PRXL2A: variants seen among roughly 807,000 people sequenced by gnomAD.
The protein encoded by PRXL2A is peroxiredoxin-like 2A.
In PRXL2A, 26 loss-of-function variants were observed where a neutral mutation model predicts 25.6. The ratio of observed to expected loss-of-function variants is 1.02; its 90% CI spans 0.74 to 1.41. The LOEUF (loss-of-function observed/expected upper bound fraction) is 1.41, where lower values mean the gene tolerates loss of function less well. Ranked by LOEUF, PRXL2A falls within the 40% of genes most tolerant of loss-of-function variation. The pLI is 0.00. For missense variants in PRXL2A, 246 were observed against 273.9 expected (o/e 0.90, Z 0.72); for synonymous variants, 98 against 102.9 (o/e 0.95, Z 0.29).
chr10:80,420,807 C>T (rs1464771963), intron 2 of PRXL2A, among the ~76,000 whole-genome samples, 162 bp downstream of exon 2: 1 of 152,044 alleles, frequency 6.6e-6, no homozygotes, highest in Non-Finnish European at 1.5e-5. Context: ...TTCTGTTACC[C>T]TAACACAGTA....
At chr10:80,420,255 G>A in intron 1 of PRXL2A, 1 of 1,301,162 alleles carries the variant, frequency 7.7e-7, no homozygotes, top group Non-Finnish European at 9.8e-7. Context: ...GAGCTCCACG[G>A]TGCAGGAACC....
chr10:80,415,593 A>T (rs1294094786), intron 1 of PRXL2A, among the ~76,000 whole-genome samples: 2 of 152,024 alleles, frequency 1.3e-5, no homozygotes, highest in African/African-American at 4.8e-5. Flanking sequence ...ATGCCCATAC[A>T]TTGCCCAAGC....
intron 1 of PRXL2A, chr10:80,413,801 G>C: frequency 9.4e-7 from 1 of 1,064,252 alleles, no homozygotes; most frequent in Non-Finnish European, 1.1e-6. Context: ...TCCCCTTGCC[G>C]CCTGCCCAGG....
In PRXL2A at chr10:80,434,573, A is replaced by G. The variant is rs1391605413; in HGVS notation, c.*2474A>G. On this transcript the variant is annotated 3_prime_UTR_variant, in exon 6 of 6. Transcript: ENST00000606162. ...CAGAAGGAGAGAGTCCTCAGTATAG[A>G]ACTGAGCTTAGCTCCAATCTGTGCA... 1.3e-5 allele frequency: 2 copies of G among 152,220 alleles called. No homozygotes were observed. Among genetic ancestry groups the G allele is most frequent in the Non-Finnish European group, 2.9e-5 (2 of 68,048 alleles). The allele number at this position is 152,220 out of a possible 1,614,324, so 9.4% of individuals were successfully genotyped here.
intron 1 of PRXL2A, among the ~76,000 whole-genome samples, chr10:80,413,466 C>A (rs1844541867): frequency 6.6e-6 from 1 of 152,174 alleles, no homozygotes; most frequent in African/African-American, 2.4e-5. Context: ...AGGGAGCAGG[C>A]TGCACGAGGA....
chr10:80,409,915 T>G (rs566939040), intron 1 of PRXL2A, among the ~76,000 whole-genome samples: 53 of 152,360 alleles, frequency 3.5e-4, no homozygotes, highest in Non-Finnish European at 6.3e-4. Context: ...TTATACAGCT[T>G]GCAAGAATTA....
At chr10:80,420,704 T>C (rs776897253) in intron 2 of PRXL2A, 59 bp downstream of exon 2, 5 of 1,270,746 alleles carry the variant, frequency 3.9e-6, no homozygotes, top group Middle Eastern at 2.8e-4. Context: ...ACAGGCTTAC[T>C]GCTTTCTTTC....
At chr10:80,421,270 A>G (rs978621071) in intron 2 of PRXL2A, among the ~76,000 whole-genome samples, 3 of 152,112 alleles carry the variant, frequency 2.0e-5, no homozygotes, top group East Asian at 1.9e-4. Flanking sequence ...CTTCTGGGGG[A>G]CTGCTAGAAT....
intron 1 of PRXL2A, among the ~76,000 whole-genome samples, chr10:80,411,515 G>A (rs1844476020): frequency 6.6e-6 from 1 of 152,266 alleles, no homozygotes; most frequent in Admixed American, 6.5e-5. Context: ...CGTGTCTGAT[G>A]CAGGATAAAC....
rs1270524973 is a variant in PRXL2A, at chr10:80,432,379, A to T, written c.*280A>T. Reference sequence around the variant, plus strand: ...TGCCAGGCTGGGTGCAGTGGCTCACACCTGTAATCCCAGCACTTTGGGAGG... The same window carrying T: ...TGCCAGGCTGGGTGCAGTGGCTCACTCCTGTAATCCCAGCACTTTGGGAGG... On this transcript the variant is annotated 3_prime_UTR_variant, in exon 6 of 6. Transcript: ENST00000606162. 3.3e-6 allele frequency: 1 copy of T among 303,088 alleles called. No homozygotes were observed. The highest frequency in any genetic ancestry group is 6.0e-6 in the Non-Finnish European group (1 of 167,130). 18.8% of individuals were successfully genotyped at this position (303,088 alleles called of 1,614,324 possible). A position where few individuals can be genotyped will look rare whatever the true frequency, so the allele number is the denominator to read the frequency against.
intron 2 of PRXL2A, among the ~76,000 whole-genome samples, chr10:80,420,959 G>C (rs548936922): frequency 6.6e-6 from 1 of 152,236 alleles, no homozygotes; most frequent in Non-Finnish European, 1.5e-5. Context: ...ATGATAAATT[G>C]CTCCATAATA....
chr10:80,427,588 C>T, intron 5 of PRXL2A, 92 bp downstream of exon 5: 1 of 1,364,048 alleles, frequency 7.3e-7, no homozygotes. Context: ...TTGACTTTCC[C>T]TGTTTTGGGT....
chr10:80,409,428 T>A (rs1250502979), intron 1 of PRXL2A, among the ~76,000 whole-genome samples: 2 of 152,314 alleles, frequency 1.3e-5, no homozygotes, highest in East Asian at 3.9e-4. Flanking sequence ...TCCCAGCTGC[T>A]CCTGCGCCTC....
Position 80,434,156 on chromosome 10 carries a change from A to T in PRXL2A, c.*2057A>T, listed in dbSNP as rs7907224. ...ATCAAAAAAAAAAACCTGAGAGGAC[A>T]TTGCACCAATGGAGATGCATCAAGA... On this transcript the variant is annotated 3_prime_UTR_variant, in exon 6 of 6. Coordinates refer to ENST00000606162, the MANE Select transcript of PRXL2A (RefSeq NM_032333.5). 1 of 151,766 alleles carries T rather than the reference A, an allele frequency of 6.6e-6. No homozygotes were observed. The highest frequency in any genetic ancestry group is 1.9e-4 in the East Asian group (1 of 5,178). 9.4% of individuals were successfully genotyped at this position (151,766 alleles called of 1,614,324 possible).
In PRXL2A at chr10:80,433,510, A is replaced by G. The variant is rs975300526; in HGVS notation, c.*1411A>G. 5.9e-5 allele frequency: 9 copies of G among 152,394 alleles called. No homozygotes were observed. The highest frequency in any genetic ancestry group is 2.2e-4 in the African/African-American group (9 of 41,468). 9.4% of individuals were successfully genotyped at this position (152,394 alleles called of 1,614,324 possible). A position where few individuals can be genotyped will look rare whatever the true frequency, so the allele number is the denominator to read the frequency against. On this transcript the variant is annotated 3_prime_UTR_variant, in exon 6 of 6. Coordinates refer to ENST00000606162, the MANE Select transcript of PRXL2A (RefSeq NM_032333.5). ...TCAGTGTTTACCCAGGAAAGCAAGA[A>G]TGGATACTGATGTTGGAGGTAAAGC...
rs145651369 is a variant in PRXL2A, at chr10:80,417,242, A to T, written c.-2-3224A>T. ...GCAAGGCTCTAAATCTTTCATTATA[A>T]TTAGATATAGGGAGTATGTCGGACC... On this transcript the variant is annotated intron_variant, in intron 1 of 5. Transcript: ENST00000606162. 3.1e-3 allele frequency among the ~76,000 whole-genome samples: 473 copies of T among 152,364 alleles called. 3 individuals are homozygous for T. Among genetic ancestry groups the T allele is most frequent in the African/African-American group, 0.011 (448 of 41,580 alleles).
intron 5 of PRXL2A, among the ~76,000 whole-genome samples, chr10:80,430,895 T>G (rs1354550908): frequency 6.6e-6 from 1 of 152,156 alleles, no homozygotes; most frequent in East Asian, 1.9e-4. Flanking sequence ...GTGTTTTTGT[T>G]TGTTTGTTTG....
At chr10:80,407,948 A>G (rs1844329182), upstream of PRXL2A, 1 of 152,118 alleles carries the variant, frequency 6.6e-6, no homozygotes, top group South Asian at 2.1e-4. Context: ...GGCACTTCCA[A>G]CAGGAGGAGT....
At chr10:80,409,676 G>A (rs781703410) in intron 1 of PRXL2A, among the ~76,000 whole-genome samples, 4 of 152,124 alleles carry the variant, frequency 2.6e-5, no homozygotes, top group Non-Finnish European at 5.9e-5. Context: ...ACCCCGACTC[G>A]TTACCATACT....
Sources: gnomAD v4.1 joint callset for allele counts (sites outside exome capture counted in the v4.1 genomes callset) on GRCh38, gnomAD v4.1.1 for gene constraint, MANE v1.5 for transcripts, NCBI Gene and HGNC (gene_info 2026-07-23, HGNC 2026-07-21) for gene names.